RCOR3: variants seen among roughly 807,000 people sequenced by gnomAD.
RCOR3 encodes the protein REST corepressor 3.
Under a neutral mutation model 64.1 loss-of-function variants are expected in RCOR3, and 13 were observed. The observed-to-expected ratio is 0.20, with a 90% CI of 0.13 to 0.32. The LOEUF (loss-of-function observed/expected upper bound fraction) is 0.32. RCOR3 is among the 10% of genes least tolerant of loss of function. The pLI, the probability that RCOR3 is intolerant of heterozygous loss-of-function variation, is 1.00. For missense variants in RCOR3, 489 were observed against 701.2 expected (o/e 0.70, Z 3.42); for synonymous variants, 215 against 239.0 (o/e 0.90, Z 0.93).
chr1:211,270,128 C>T (rs1191580838), intron 2 of RCOR3, among the ~76,000 whole-genome samples: 2 of 149,930 alleles, frequency 1.3e-5, no homozygotes, highest in South Asian at 2.1e-4. Flanking sequence ...AGCTGTGTGA[C>T]CTCGGCTCAC....
chr1:211,282,634 G>C (rs576743154), intron 7 of RCOR3, among the ~76,000 whole-genome samples: 1 of 152,164 alleles, frequency 6.6e-6, no homozygotes, highest in South Asian at 2.1e-4. Context: ...GAGTAGCTGG[G>C]ACTACAGGCA....
intron 9 of RCOR3, chr1:211,301,956 A>G (rs1700425900): frequency 6.6e-6 from 1 of 152,192 alleles, no homozygotes; most frequent in African/African-American, 2.4e-5. Context: ...CTTTTTAGAT[A>G]TAGTCTAAAT....
chr1:211,270,636 A>G (rs886225967), intron 2 of RCOR3, among the ~76,000 whole-genome samples: 2 of 152,130 alleles, frequency 1.3e-5, no homozygotes, highest in Non-Finnish European at 2.9e-5. Context: ...GGAAGTTTAA[A>G]TCAGATTTAT....
chr1:211,270,543 T>G (rs1483970077), intron 2 of RCOR3, among the ~76,000 whole-genome samples: 1 of 25,490 alleles, frequency 3.9e-5, no homozygotes, highest in African/African-American at 9.3e-5. Flanking sequence ...CATTTAGACA[T>G]GGGGCAAAAA....
At chr1:211,308,983 A>AT (rs1701217423) in intron 10 of RCOR3, among the ~76,000 whole-genome samples, 2 of 151,228 alleles carry the variant, frequency 1.3e-5, no homozygotes, top group Admixed American at 1.3e-4. Flanking sequence ...AAGTGTTGGG[A>AT]TTACAGGCAT....
intron 5 of RCOR3, among the ~76,000 whole-genome samples, 160 bp from the exon 6 acceptor site, chr1:211,277,957 T>G (rs574120975): frequency 6.6e-6 from 1 of 152,220 alleles, no homozygotes; most frequent in Admixed American, 6.5e-5. Flanking sequence ...GAAATTGATA[T>G]GGGATACTGA....
intron 9 of RCOR3, among the ~76,000 whole-genome samples, chr1:211,296,123 A>C (rs1456160100): frequency 6.6e-6 from 1 of 152,184 alleles, no homozygotes; most frequent in Admixed American, 6.5e-5. Flanking sequence ...ACACGGCAAG[A>C]AAAATATCAT....
intron 5 of RCOR3, 48 bp from the exon 6 acceptor site, chr1:211,278,069 T>C: frequency 6.7e-7 from 1 of 1,488,716 alleles, no homozygotes; most frequent in Non-Finnish European, 9.2e-7. Flanking sequence ...AAATTATTCA[T>C]TTTGTTTATG....
At chr1:211,282,835 C>G (rs1698005876) in intron 7 of RCOR3, among the ~76,000 whole-genome samples, 1 of 152,204 alleles carries the variant, frequency 6.6e-6, no homozygotes, top group South Asian at 2.1e-4. Context: ...TAGAGGGAAC[C>G]ACTATAATGA....
intron 5 of RCOR3, 31 bp from the exon 6 acceptor site, chr1:211,278,086 A>G (rs778123034): frequency 1.9e-6 from 3 of 1,554,136 alleles, no homozygotes; most frequent in Non-Finnish European, 2.6e-6. Context: ...TATGAATTAA[A>G]CTTGCTGATA....
intron 9 of RCOR3, chr1:211,301,914 A>G (rs1700422280): frequency 6.6e-6 from 1 of 152,176 alleles, no homozygotes; most frequent in African/African-American, 2.4e-5. Context: ...GAATTGATCA[A>G]CTTTTATTTG....
chr1:211,270,221 C>T (rs1318912603), intron 2 of RCOR3, among the ~76,000 whole-genome samples: 1 of 151,980 alleles, frequency 6.6e-6, no homozygotes, highest in African/African-American at 2.4e-5. Context: ...CGCCACCACA[C>T]CTGGCTAATT....
At position 211,259,505 on chromosome 1, in the gene RCOR3, G is replaced by A. The variant is rs775715669; in HGVS notation, c.-56G>A. The A allele has an allele frequency of 3.1e-5, 46 of 1,504,004 alleles. No homozygotes were observed. Among genetic ancestry groups the A allele is most frequent in the Admixed American group, 1.1e-4 (5 of 45,622 alleles). 93.2% of individuals were successfully genotyped at this position (1,504,004 alleles called of 1,614,324 possible). On this transcript the variant is annotated 5_prime_UTR_variant, in exon 1 of 12. Coordinates refer to ENST00000419091, the MANE Select transcript of RCOR3 (RefSeq NM_001136223.3). Reference sequence around the variant, plus strand: ...CCCGCCCGCGCTCTAAGCCATCTCCGCCTTCACCCTGACGCCTGCCTCTTC... The same window carrying A: ...CCCGCCCGCGCTCTAAGCCATCTCCACCTTCACCCTGACGCCTGCCTCTTC...
At chr1:211,308,521 T>C (rs964370900) in intron 10 of RCOR3, among the ~76,000 whole-genome samples, 2 of 152,088 alleles carry the variant, frequency 1.3e-5, no homozygotes, top group Non-Finnish European at 2.9e-5. Flanking sequence ...ATTTCAAAAA[T>C]ATATTTTTGA....
intron 5 of RCOR3, 63 bp downstream of exon 5, chr1:211,276,481 A>G: frequency 1.5e-6 from 2 of 1,324,300 alleles, no homozygotes; most frequent in Non-Finnish European, 2.1e-6. Flanking sequence ...ACTATTAAAC[A>G]CTTCCTAATT....
At chr1:211,286,924 C>G (rs75335146) in intron 7 of RCOR3, among the ~76,000 whole-genome samples, 4,264 of 152,264 alleles carry the variant, frequency 0.028, 78 homozygotes, top group South Asian at 0.073. Context: ...CTTTTTCCTG[C>G]AGTATATCCT....
chr1:211,259,807 C>T, intron 1 of RCOR3, 81 bp downstream of exon 1: 1 of 1,221,472 alleles, frequency 8.2e-7, no homozygotes, highest in Non-Finnish European at 1.1e-6. Context: ...CCTCGCCGCT[C>T]TCCCGCCCTC....
chr1:211,304,043 C>G, intron 9 of RCOR3, 40 bp from the exon 10 acceptor site: 1 of 1,459,402 alleles, frequency 6.9e-7, no homozygotes, highest in South Asian at 1.2e-5. Context: ...AAATGTCTGT[C>G]TTCATATCCT....
intron 7 of RCOR3, among the ~76,000 whole-genome samples, chr1:211,286,872 C>G (rs975773730): frequency 6.6e-6 from 1 of 152,154 alleles, no homozygotes; most frequent in Non-Finnish European, 1.5e-5. Flanking sequence ...TTTTGCCCAC[C>G]CTTCTTTCCT....
Sources: gnomAD v4.1 joint callset for allele counts (sites outside exome capture counted in the v4.1 genomes callset) on GRCh38, gnomAD v4.1.1 for gene constraint, MANE v1.5 for transcripts, NCBI Gene and HGNC (gene_info 2026-07-23, HGNC 2026-07-21) for gene names.